The following USP43 variants were observed in gnomAD, a reference collection of about 807,000 sequenced individuals.
The protein encoded by USP43 is ubiquitin carboxyl-terminal hydrolase 43.
Under a neutral mutation model 90.7 loss-of-function variants are expected in USP43, and 33 were observed. That is an observed-to-expected ratio of 0.36 (90% CI 0.28 to 0.49). USP43 has a LOEUF of 0.49. USP43 is among the 20% of genes least tolerant of loss of function. USP43 has a pLI of 0.98. For synonymous variants in USP43, 598 were observed against 615.8 expected (o/e 0.97, Z 0.43); for missense variants, 1,274 against 1,476.4 (o/e 0.86, Z 2.25).
chr17:9,682,416 A>C (rs776808427), intron 6 of USP43, among the ~76,000 whole-genome samples: 1 of 152,134 alleles, frequency 6.6e-6, no homozygotes, highest in Non-Finnish European at 1.5e-5. Flanking sequence ...AAGAATACAA[A>C]AAAATTAGCT....
At position 9,729,588 on chromosome 17, in the gene USP43, G is replaced by A. The variant is rs530834772; in HGVS notation, c.*598G>A. On this transcript the variant is annotated 3_prime_UTR_variant, in exon 15 of 15. Coordinates refer to ENST00000285199, the MANE Select transcript of USP43 (RefSeq NM_153210.5). ...TAAAAATTGTATTAAAGTTTTTCAA[G>A]GTATTTTAAAAATAACTATTTTGAT... The A allele has an allele frequency of 6.6e-6, 1 of 151,600 alleles. No homozygotes were observed. The highest frequency in any genetic ancestry group is 1.5e-5 in the Non-Finnish European group (1 of 67,948). 9.4% of individuals were successfully genotyped at this position (151,600 alleles called of 1,614,324 possible).
At chr17:9,697,161 G>A (rs1288565934) in intron 9 of USP43, among the ~76,000 whole-genome samples, 1 of 152,162 alleles carries the variant, frequency 6.6e-6, no homozygotes, top group Non-Finnish European at 1.5e-5. Flanking sequence ...AGCTTGCAGT[G>A]AGCCGAGATT....
At chr17:9,667,197 C>CA (rs1913089270) in intron 3 of USP43, among the ~76,000 whole-genome samples, 1 of 150,840 alleles carries the variant, frequency 6.6e-6, no homozygotes, top group Admixed American at 6.6e-5. Flanking sequence ...CCCATCTGTA[C>CA]CAAAAAAAAC....
In USP43 at chr17:9,728,910, T is replaced by C; in HGVS notation, c.3292T>C (p.Ser1098Pro). Reference protein sequence around the residue: ...SQRTVPGEQASYGTFQRVKYH... With the variant: ...SQRTVPGEQAPYGTFQRVKYH... Reference sequence around the variant, plus strand: ...AAGGACTGTTCCAGGGGAGCAGGCTTCTTATGGCACCTTTCAGAGAGTCAA... The same window carrying C: ...AAGGACTGTTCCAGGGGAGCAGGCTCCTTATGGCACCTTTCAGAGAGTCAA... The change falls in exon 15 of 15, where the codon TCT becomes CCT. Residue 1098 changes from serine (S) to proline (P), a missense_variant. By Grantham distance (74) the Ser-to-Pro change is moderately conservative (BLOSUM62 -1). Around this residue, in one of 6 missense-constraint regions of USP43, gnomAD observed 353 missense variants for 329.7 expected, o/e 1.07. Coordinates refer to ENST00000285199, the MANE Select transcript of USP43 (RefSeq NM_153210.5). The surrounding 1 kb of genome is among the most constrained non-coding windows in gnomAD (Gnocchi z 6.2). 6.2e-7 allele frequency: 1 copy of C among 1,612,670 alleles called. No homozygotes were observed. The highest frequency in any genetic ancestry group is 8.5e-7 in the Non-Finnish European group (1 of 1,179,162).
intron 14 of USP43, among the ~76,000 whole-genome samples, chr17:9,719,416 G>C (rs1261378314): frequency 6.6e-6 from 1 of 152,184 alleles, no homozygotes; most frequent in African/African-American, 2.4e-5. Context: ...GATGATAACT[G>C]TCCTGCAGAC....
chr17:9,650,141 C>G (rs8080711), intron 1 of USP43, among the ~76,000 whole-genome samples: 2,475 of 152,232 alleles, frequency 0.016, 73 homozygotes, highest in African/African-American at 0.056. Flanking sequence ...CAGTATTATA[C>G]TGTATTGAAG....
At chr17:9,655,608 A>G (rs1302016483) in intron 1 of USP43, among the ~76,000 whole-genome samples, 2 of 152,242 alleles carry the variant, frequency 1.3e-5, no homozygotes, top group East Asian at 3.9e-4. Context: ...CAGGAATGCA[A>G]ACACCACGAG....
intron 8 of USP43, among the ~76,000 whole-genome samples, chr17:9,689,430 GAGAT>G (rs1567665676): frequency 6.7e-6 from 1 of 150,134 alleles, no homozygotes; most frequent in African/African-American, 2.5e-5. Context: ...TTTTTTTAAA[GAGAT>G]AGAGTCCCAC....
intron 14 of USP43, among the ~76,000 whole-genome samples, chr17:9,714,199 A>T (rs72820061): frequency 0.034 from 5,174 of 152,278 alleles, 140 homozygotes; most frequent in Non-Finnish European, 0.054. Context: ...CTCACCACTC[A>T]CTTCCTGCTC....
At chr17:9,659,072 G>T (rs746204515) in intron 2 of USP43, among the ~76,000 whole-genome samples, 2 of 152,174 alleles carry the variant, frequency 1.3e-5, no homozygotes, top group Non-Finnish European at 2.9e-5. Context: ...GCCAAGGAGA[G>T]CTTTTATAGA....
In USP43 at chr17:9,689,283, A is replaced by G. The variant is rs1046429921; in HGVS notation, c.1353+2374A>G. ...GAACTGAAGAGATTAAACATATTGT[A>G]TTGAAGGTTTGGACATGAACTTCCC... On this transcript the variant is annotated intron_variant, in intron 8 of 14. Transcript: ENST00000285199. Among the ~76,000 whole-genome samples, 48 of 152,200 alleles carry G rather than the reference A, an allele frequency of 3.2e-4. 3 individuals are homozygous for G. The highest frequency in any genetic ancestry group is 3.1e-3 in the Admixed American group (48 of 15,264).
chr17:9,726,915 C>T (rs1230534400), intron 14 of USP43, among the ~76,000 whole-genome samples: 1 of 152,140 alleles, frequency 6.6e-6, no homozygotes, highest in Non-Finnish European at 1.5e-5. Context: ...TGATTGCAGA[C>T]ATCATGTAAA....
intron 8 of USP43, among the ~76,000 whole-genome samples, chr17:9,691,559 T>C (rs2151982153): frequency 6.6e-6 from 1 of 152,292 alleles, no homozygotes; most frequent in Middle Eastern, 3.4e-3. Context: ...TAAATATCTG[T>C]TCAAGCCCCT....
At chr17:9,707,646 CAA>C (rs34253588) in intron 12 of USP43, among the ~76,000 whole-genome samples, 2,124 of 87,046 alleles carry the variant, frequency 0.024, 55 homozygotes, top group African/African-American at 0.077. Context: ...GACTCTGTCT[CAA>C]AAAAAAAAAA....
Position 9,645,551 on chromosome 17 carries a change from T to G in USP43, c.-82T>G, listed in dbSNP as rs995248125. 6 of 1,138,146 alleles carry G rather than the reference T, an allele frequency of 5.3e-6. No individual in the cohort carries two copies. The African/African-American group carries it at 6.5e-5, about 12-fold the overall frequency. The allele number at this position is 1,138,146 out of a possible 1,614,324, so 70.5% of individuals were successfully genotyped here. A position where few individuals can be genotyped will look rare whatever the true frequency, so the allele number is the denominator to read the frequency against. On this transcript the variant is annotated 5_prime_UTR_variant, in exon 1 of 15. Coordinates refer to ENST00000285199, the MANE Select transcript of USP43 (RefSeq NM_153210.5). This position sits in a 1 kb window ranked among gnomAD's most constrained non-coding sequence, Gnocchi z 6.8. ...CCGCAGGTAGCCGGCACCAGGAGCC[T>G]TAGAGAAGCTGTAGGGCCTGCTGGC...
At chr17:9,703,890 C>A (rs1353772928) in intron 12 of USP43, among the ~76,000 whole-genome samples, 1 of 152,178 alleles carries the variant, frequency 6.6e-6, no homozygotes, top group Admixed American at 6.5e-5. Flanking sequence ...AGTGTCAACT[C>A]CCTCCTTTAG....
chr17:9,673,196 G>T (rs995589047), intron 3 of USP43, among the ~76,000 whole-genome samples: 4 of 152,130 alleles, frequency 2.6e-5, no homozygotes, highest in African/African-American at 9.7e-5. Flanking sequence ...AAATTGGTAT[G>T]TACATGTGGA....
At chr17:9,676,272 T>G (rs1361320722) in intron 4 of USP43, among the ~76,000 whole-genome samples, 2 of 152,176 alleles carry the variant, frequency 1.3e-5, no homozygotes, top group Non-Finnish European at 2.9e-5. Flanking sequence ...ATTTAGAAGA[T>G]TTGGCTCTAC....
chr17:9,647,077 A>AG (rs1052896000), intron 1 of USP43: 2 of 148,402 alleles, frequency 1.3e-5, no homozygotes, highest in African/African-American at 5.2e-5. Flanking sequence ...AAAAAAAAAA[A>AG]AAAAGAAAAA....
Sources: gnomAD v4.1 joint callset for allele counts (sites outside exome capture counted in the v4.1 genomes callset) on GRCh38, gnomAD v4.1.1 for gene constraint, gnomAD v4.1.1 regional missense constraint, Gnocchi (gnomAD v3.1) non-coding constraint, MANE v1.5 for transcripts, NCBI Gene and HGNC (gene_info 2026-07-23, HGNC 2026-07-21) for gene names.